The following FOCAD variants were observed in gnomAD, a reference collection of about 807,000 sequenced individuals.
FOCAD encodes the protein focadhesin, also known as KIAA1797.
Under a neutral mutation model 225.6 loss-of-function variants are expected in FOCAD, and 198 were observed. The ratio of observed to expected loss-of-function variants is 0.88; its 90% CI spans 0.78 to 0.99. The LOEUF is 0.99. Ranked by LOEUF, FOCAD falls within the 50% of genes least tolerant of loss-of-function variation. The probability of loss-of-function intolerance (pLI) is 0.00; values close to 1 mark genes in which losing one functional copy is unlikely to be tolerated. For synonymous variants in FOCAD, 897 were observed against 755.0 expected, an observed-to-expected ratio of 1.19 and a Z score of -3.08; for missense variants, 2,713 against 2,123.6, an observed-to-expected ratio of 1.28 and a Z score of -5.46.
At chr9:20,861,351 G>C (rs1284394217) in intron 15 of FOCAD, among the ~76,000 whole-genome samples, 1 of 152,072 alleles carries the variant, frequency 6.6e-6, no homozygotes, top group African/African-American at 2.4e-5. Context: ...GAATTGGTTT[G>C]GGTTTTATTT....
chr9:20,783,886 A>G (rs1165374176), intron 10 of FOCAD, among the ~76,000 whole-genome samples: 2 of 152,166 alleles, frequency 1.3e-5, no homozygotes, highest in East Asian at 1.9e-4. Context: ...CACACTGGCA[A>G]TTTGAACAAG....
rs753856413 is a variant in FOCAD at position 20,929,252 on chromosome 9, G to A, written c.3079-106G>A. On this transcript the variant is annotated intron_variant, in intron 26 of 43. Coordinates refer to ENST00000338382, the MANE Select transcript of FOCAD (RefSeq NM_001375567.1). ...AAATGTATTATTTTGGGTGTCGGCC[G>A]GGGTGGATCTAAGAGAAGCTTGTGT... 88 of 793,182 alleles carry A rather than the reference G, an allele frequency of 1.1e-4. 1 individual carries two copies. In the East Asian group the frequency reaches 1.2e-3, roughly 11 times the overall value. 49.1% of individuals were successfully genotyped at this position (793,182 alleles called of 1,614,324 possible).
intron 22 of FOCAD, among the ~76,000 whole-genome samples, chr9:20,911,877 C>T (rs1303587235): frequency 6.6e-6 from 1 of 152,004 alleles, no homozygotes; most frequent in Admixed American, 6.6e-5. Flanking sequence ...AAGAAAAAGA[C>T]AGCTAGTAGA....
chr9:20,747,138 C>A (rs1257088347), intron 5 of FOCAD, among the ~76,000 whole-genome samples: 1 of 152,130 alleles, frequency 6.6e-6, no homozygotes, highest in Admixed American at 6.6e-5. Flanking sequence ...GCACTCCCAA[C>A]CAATTTTCAC....
At chr9:20,769,593 A>G (rs977539380) in intron 7 of FOCAD, among the ~76,000 whole-genome samples, 1 of 152,246 alleles carries the variant, frequency 6.6e-6, no homozygotes, top group Non-Finnish European at 1.5e-5. Context: ...CTGAGCAAGT[A>G]TCTTGCAGAT....
At chr9:20,672,128 A>C (rs1822081973) in intron 2 of FOCAD, among the ~76,000 whole-genome samples, 1 of 152,222 alleles carries the variant, frequency 6.6e-6, no homozygotes. Flanking sequence ...AGGAAAAATG[A>C]ATCAGTAAAA....
chr9:20,900,504 T>G (rs1237665289), intron 21 of FOCAD, among the ~76,000 whole-genome samples: 3 of 151,982 alleles, frequency 2.0e-5, no homozygotes, highest in African/African-American at 7.2e-5. Context: ...ACATATGCTG[T>G]AACCAATCAT....
chr9:20,734,443 G>A (rs1427874242), intron 4 of FOCAD, among the ~76,000 whole-genome samples: 2 of 152,168 alleles, frequency 1.3e-5, no homozygotes, highest in African/African-American at 4.8e-5. Flanking sequence ...CCGTTCAAAT[G>A]TATTTTGTTT....
intron 37 of FOCAD, among the ~76,000 whole-genome samples, chr9:20,979,851 C>T (rs1840537250): frequency 6.6e-6 from 1 of 152,200 alleles, no homozygotes; most frequent in Non-Finnish European, 1.5e-5. Context: ...GACTTAATTT[C>T]TCTACAGCCT....
rs1219309873 is a variant in FOCAD at position 20,708,783 on chromosome 9, GA to G, written c.-32-6526del. Among the ~76,000 whole-genome samples the G allele has an allele frequency of 5.4e-3, 781 of 143,410 alleles. 8 individuals are homozygous for G. Among genetic ancestry groups the G allele is most frequent in the African/African-American group, 0.015 (582 of 39,190 alleles). 94.1% of individuals were successfully genotyped at this position (143,410 alleles called of 152,430 possible). ...AGAGTGAGAGACCCTGTCTCTTAAGGAAAAAAAAAAAAATTCTGTTTAGCCC... is the reference window on the plus strand; with the variant it reads ...AGAGTGAGAGACCCTGTCTCTTAAGGAAAAAAAAAAAATTCTGTTTAGCCC... On this transcript the variant is annotated intron_variant, in intron 1 of 43. Transcript: ENST00000338382.
intron 25 of FOCAD, among the ~76,000 whole-genome samples, chr9:20,924,719 A>G (rs1201157199): frequency 6.6e-6 from 1 of 152,198 alleles, no homozygotes; most frequent in Non-Finnish European, 1.5e-5. Context: ...AGGAACAGGA[A>G]GTATATGGAA....
At chr9:20,845,757 G>A (rs1373471246) in intron 15 of FOCAD, among the ~76,000 whole-genome samples, 3 of 152,032 alleles carry the variant, frequency 2.0e-5, no homozygotes, top group Admixed American at 1.3e-4. Flanking sequence ...TTTCTGCATA[G>A]GATATAAGTT....
intron 20 of FOCAD, among the ~76,000 whole-genome samples, chr9:20,883,710 G>A (rs890863214): frequency 3.9e-5 from 6 of 152,222 alleles, no homozygotes; most frequent in African/African-American, 1.4e-4. Flanking sequence ...GAATGATAAT[G>A]AAGATAAGCC....
At chr9:20,941,961 A>G (rs1836699685) in intron 28 of FOCAD, among the ~76,000 whole-genome samples, 1 of 152,236 alleles carries the variant, frequency 6.6e-6, no homozygotes, top group Non-Finnish European at 1.5e-5. Flanking sequence ...GACTTAGAAC[A>G]AGAATAAACA....
At chr9:20,888,344 G>T (rs1031016412) in intron 21 of FOCAD, among the ~76,000 whole-genome samples, 1 of 151,544 alleles carries the variant, frequency 6.6e-6, no homozygotes, top group African/African-American at 2.4e-5. Flanking sequence ...TCACCATGTT[G>T]GTCAGGCTGG....
intron 21 of FOCAD, among the ~76,000 whole-genome samples, chr9:20,905,609 AT>A (rs1298910912): frequency 3.3e-5 from 5 of 152,174 alleles, no homozygotes; most frequent in East Asian, 3.9e-4. Flanking sequence ...GGGCTCGAAG[AT>A]AATTAATATA....
In FOCAD at chr9:20,929,342, C is replaced by G; in HGVS notation, c.3079-16C>G. On this transcript the variant is annotated splice_polypyrimidine_tract_variant and intron_variant, in intron 26 of 43. Transcript: ENST00000338382. ...GTTTAAGGCTAACCCTGTTTTCTTT[C>G]TTTGGCATGTCCTAGAAGTCCTATT... 2 of 1,605,748 alleles carry G rather than the reference C, an allele frequency of 1.2e-6. No homozygotes were observed. The highest frequency in any genetic ancestry group is 1.7e-6 in the Non-Finnish European group (2 of 1,172,902).
intron 30 of FOCAD, 45 bp from the exon 31 acceptor site, chr9:20,948,225 CT>C (rs760547325): frequency 1.5e-3 from 2,016 of 1,382,078 alleles, no homozygotes; most frequent in South Asian, 2.6e-3. Flanking sequence ...AAATCTGTGT[CT>C]TTTTTTTTTC....
At chr9:20,826,352 C>T (rs1299155545) in intron 15 of FOCAD, among the ~76,000 whole-genome samples, 1 of 152,064 alleles carries the variant, frequency 6.6e-6, no homozygotes, top group Non-Finnish European at 1.5e-5. Flanking sequence ...CTGGATGCTT[C>T]CTGCCCTCGA....
Sources: gnomAD v4.1 joint callset for allele counts (sites outside exome capture counted in the v4.1 genomes callset) on GRCh38, gnomAD v4.1.1 for gene constraint, MANE v1.5 for transcripts, NCBI Gene and HGNC (gene_info 2026-07-23, HGNC 2026-07-21) for gene names.